AGBL1: variants seen among roughly 807,000 people sequenced by gnomAD.
AGBL1 encodes cytosolic carboxypeptidase 4.
In AGBL1, 130 loss-of-function variants were observed where a neutral mutation model predicts 118.9. The ratio of observed to expected loss-of-function variants is 1.09; its 90% CI spans 0.95 to 1.26. The LOEUF is 1.26. Among genes scored for constraint, AGBL1 ranks in the 50% most tolerant of loss-of-function variants. The pLI, the probability that AGBL1 is intolerant of heterozygous loss-of-function variation, is 0.00. For missense variants in AGBL1, 1,584 were observed against 1,298.1 expected, an observed-to-expected ratio of 1.22 and a Z score of -3.38; for synonymous variants, 555 against 478.9, an observed-to-expected ratio of 1.16 and a Z score of -2.08.
chr15:86,165,570 G>T (rs78579265), intron 5 of AGBL1, among the ~76,000 whole-genome samples: 4 of 152,148 alleles, frequency 2.6e-5, no homozygotes, highest in African/African-American at 9.7e-5. Context: ...ATCCAAGTTA[G>T]AAGAAATGGA....
chr15:86,922,614 C>A (rs943605503), intron 23 of AGBL1, among the ~76,000 whole-genome samples: 2 of 152,156 alleles, frequency 1.3e-5, no homozygotes, highest in Non-Finnish European at 2.9e-5. Flanking sequence ...AAAAACTAAA[C>A]AGAAGGTAGA....
intron 21 of AGBL1, among the ~76,000 whole-genome samples, chr15:86,598,853 T>C (rs2084448413): frequency 6.6e-6 from 1 of 152,184 alleles, no homozygotes; most frequent in South Asian, 2.1e-4. Context: ...AACTGTTGAA[T>C]TGTCAATGTA....
At chr15:87,001,418 T>G (rs1204524374) in intron 24 of AGBL1, among the ~76,000 whole-genome samples, 1 of 152,048 alleles carries the variant, frequency 6.6e-6, no homozygotes, top group Non-Finnish European at 1.5e-5. Context: ...TCTTCGCTAT[T>G]GTGAGTAGTG....
At chr15:86,375,944 A>T (rs1349812899) in intron 17 of AGBL1, among the ~76,000 whole-genome samples, 1 of 152,232 alleles carries the variant, frequency 6.6e-6, no homozygotes, top group African/African-American at 2.4e-5. Context: ...ACGCATTCAC[A>T]TTCTCAGAGT....
At chr15:86,496,320 A>G (rs1460113236) in intron 18 of AGBL1, among the ~76,000 whole-genome samples, 4 of 152,036 alleles carry the variant, frequency 2.6e-5, no homozygotes. Context: ...CTCCTCAGCC[A>G]TGTGGAACTG....
chr15:86,731,292 C>G (rs868428700), intron 22 of AGBL1, among the ~76,000 whole-genome samples: 7 of 152,306 alleles, frequency 4.6e-5, no homozygotes, highest in Admixed American at 1.3e-4. Flanking sequence ...CTGAAAGTCT[C>G]TCGAGACTAA....
chr15:86,345,126 C>A (rs1339730315), intron 17 of AGBL1, among the ~76,000 whole-genome samples: 1 of 152,082 alleles, frequency 6.6e-6, no homozygotes, highest in African/African-American at 2.4e-5. Flanking sequence ...CTTTACACTG[C>A]CTCTACTGGT....
chr15:86,582,170 C>T (rs1325391875), intron 21 of AGBL1, among the ~76,000 whole-genome samples: 2 of 152,082 alleles, frequency 1.3e-5, no homozygotes, highest in Non-Finnish European at 2.9e-5. Context: ...ATCAAAATCA[C>T]CCATTATTGA....
chr15:86,740,490 G>A (rs1244000972), intron 22 of AGBL1, among the ~76,000 whole-genome samples: 1 of 152,178 alleles, frequency 6.6e-6, no homozygotes, highest in Non-Finnish European at 1.5e-5. Flanking sequence ...CTGCTAACAT[G>A]CGAGTAGATT....
chr15:86,475,299 C>G (rs2082541979), intron 18 of AGBL1, among the ~76,000 whole-genome samples: 1 of 152,082 alleles, frequency 6.6e-6, no homozygotes, highest in African/African-American at 2.4e-5. Context: ...AAGTTCGAAC[C>G]CACTGCAAAG....
At chr15:86,839,676 A>G (rs2079218492) in intron 22 of AGBL1, among the ~76,000 whole-genome samples, 1 of 152,166 alleles carries the variant, frequency 6.6e-6, no homozygotes, top group Non-Finnish European at 1.5e-5. Flanking sequence ...AAATATGACA[A>G]CTAAATATTG....
At chr15:86,564,862 T>C (rs184899176) in intron 21 of AGBL1, among the ~76,000 whole-genome samples, 2 of 152,210 alleles carry the variant, frequency 1.3e-5, no homozygotes, top group Non-Finnish European at 2.9e-5. Flanking sequence ...ACTTCTCTTC[T>C]CCCTTCATTT....
intron 16 of AGBL1, among the ~76,000 whole-genome samples, chr15:86,289,451 A>G (rs1303196224): frequency 6.6e-6 from 1 of 152,224 alleles, no homozygotes; most frequent in Non-Finnish European, 1.5e-5. Context: ...TTTCCTACAT[A>G]ACAGATGCTC....
chr15:86,584,054 G>C (rs559161916), intron 21 of AGBL1, among the ~76,000 whole-genome samples: 102 of 152,004 alleles, frequency 6.7e-4, no homozygotes, highest in Admixed American at 3.3e-4. Context: ...TTGCTTGTTA[G>C]ATTAAGTTCC....
chr15:86,591,904 G>T (rs62012501), intron 21 of AGBL1, among the ~76,000 whole-genome samples: 33,036 of 152,056 alleles, frequency 0.22, 3,984 homozygotes, highest in East Asian at 0.43. Context: ...CTACCTAGGG[G>T]CTGCCAGTCA....
At chr15:86,639,377 A>G (rs2085154848) in intron 21 of AGBL1, among the ~76,000 whole-genome samples, 1 of 152,206 alleles carries the variant, frequency 6.6e-6, no homozygotes, top group South Asian at 2.1e-4. Flanking sequence ...ACATGGAAGC[A>G]ACTCCAAAGT....
intron 22 of AGBL1, among the ~76,000 whole-genome samples, chr15:86,885,720 A>G (rs116117344): frequency 0.011 from 1,714 of 152,312 alleles, 37 homozygotes; most frequent in African/African-American, 0.038. Context: ...GACATCCACA[A>G]AATTATGGTT....
At chr15:86,322,260 T>C (rs977928002) in intron 17 of AGBL1, among the ~76,000 whole-genome samples, 2 of 152,042 alleles carry the variant, frequency 1.3e-5, no homozygotes, top group African/African-American at 4.8e-5. Flanking sequence ...TGTTAAATCT[T>C]CCACTACAAC....
In AGBL1 at chr15:86,674,322, G is replaced by A; in HGVS notation, c.3044G>A (p.Cys1015Tyr). The change falls in exon 22 of 23, where the codon TGT becomes TAT. Residue 1015 changes from cysteine to tyrosine, a missense_variant. By Grantham distance (194) the Cys-to-Tyr change is radical. Coordinates refer to ENST00000614907, the MANE Select transcript of AGBL1 (RefSeq NM_001386094.1). ...RELEEMGAMF[C>Y]LGLLILELKS... ...CTGGAGGAGATGGGAGCCATGTTCTGTTTGGGCCTCCTCATCCTGGAGCTC... is the reference window on the plus strand; with the variant it reads ...CTGGAGGAGATGGGAGCCATGTTCTATTTGGGCCTCCTCATCCTGGAGCTC... 6.2e-7 allele frequency: 1 copy of A among 1,612,108 alleles called. No individual in the cohort carries two copies. The highest frequency in any genetic ancestry group is 8.5e-7 in the Non-Finnish European group (1 of 1,179,086).
Sources: gnomAD v4.1 joint callset for allele counts (sites outside exome capture counted in the v4.1 genomes callset) on GRCh38, gnomAD v4.1.1 for gene constraint, MANE v1.5 for transcripts, NCBI Gene and HGNC (gene_info 2026-07-23, HGNC 2026-07-21) for gene names.